Variants in CLOCK observed in about 807,000 individuals in gnomAD.
CLOCK encodes the protein circadian locomoter output cycles protein kaput.
In CLOCK, 43 loss-of-function variants were observed where a neutral mutation model predicts 118.4. The observed-to-expected ratio is 0.36, with a 90% CI of 0.28 to 0.47. CLOCK has a LOEUF of 0.47. Among genes scored for constraint, CLOCK ranks in the 20% least tolerant of loss-of-function variants. The pLI, the probability that CLOCK is intolerant of heterozygous loss-of-function variation, is 1.00. For synonymous variants in CLOCK, 326 were observed against 339.2 expected (o/e 0.96, Z 0.43); for missense variants, 846 against 999.9 (o/e 0.85, Z 2.08).
rs1353103080 is a variant in CLOCK, at chr4:55,478,817, T to C, written c.254A>G (p.Lys85Arg). ...ATTTTACAGAGTTAAAAATTTACCTTTATGTTTTCGTAAAAAATCAATGCT... is the reference window on the plus strand; with the variant it reads ...ATTTTACAGAGTTAAAAATTTACCTCTATGTTTTCGTAAAAAATCAATGCT... ...QKSIDFLRKH[K>R]EITAQSDASE... Residue 85 changes from lysine (K) to arginine (R), a missense_variant and splice_region_variant, in exon 6 of 23, where the codon AAA becomes AGA. Transcript: ENST00000513440. The C allele has an allele frequency of 1.1e-5, 17 of 1,612,264 alleles. No individual in the cohort carries two copies. The highest frequency in any genetic ancestry group is 1.4e-5 in the Non-Finnish European group (17 of 1,179,172).
At chr4:55,500,641 G>A (rs1728375391) in intron 2 of CLOCK, among the ~76,000 whole-genome samples, 1 of 151,932 alleles carries the variant, frequency 6.6e-6, no homozygotes, top group Non-Finnish European at 1.5e-5. Flanking sequence ...ATGAGCCATA[G>A]CATCGGCCTA....
intron 15 of CLOCK, 88 bp from the exon 16 acceptor site, chr4:55,450,320 C>A: frequency 6.6e-7 from 1 of 1,526,194 alleles, no homozygotes; most frequent in South Asian, 1.1e-5. Context: ...ACAAAAAAAT[C>A]AGTTTTTGTC....
At chr4:55,466,429 C>T (rs1005488163) in intron 8 of CLOCK, among the ~76,000 whole-genome samples, 2 of 152,026 alleles carry the variant, frequency 1.3e-5, no homozygotes, top group Non-Finnish European at 1.5e-5. Flanking sequence ...TGACAACAGA[C>T]TAATACATCA....
chr4:55,476,583 A>C (rs1726525689), intron 6 of CLOCK, among the ~76,000 whole-genome samples: 3 of 152,276 alleles, frequency 2.0e-5, no homozygotes, highest in South Asian at 4.1e-4. Context: ...AGACTAAATT[A>C]ATATTTTATG....
chr4:55,499,903 C>T (rs1319912886), intron 2 of CLOCK, among the ~76,000 whole-genome samples: 1 of 152,196 alleles, frequency 6.6e-6, no homozygotes, highest in Non-Finnish European at 1.5e-5. Context: ...GGTGTCTTCT[C>T]TTTGAGACTT....
At chr4:55,458,522 G>A (rs2109798823) in intron 11 of CLOCK, among the ~76,000 whole-genome samples, 1 of 152,128 alleles carries the variant, frequency 6.6e-6, no homozygotes, top group Non-Finnish European at 1.5e-5. Context: ...GTTATATGTG[G>A]CAAAGAGCCA....
At position 55,450,221 on chromosome 4, in the gene CLOCK, A is replaced by G. The variant is rs1724301343; in HGVS notation, c.1218T>C (p.Ser406=). 5 of 1,613,944 alleles carry G rather than the reference A, an allele frequency of 3.1e-6. No homozygotes were observed. The highest frequency in any genetic ancestry group is 1.7e-5 in the Admixed American group (1 of 60,002). The change falls in exon 16 of 23, where the codon TCT becomes TCC. Residue 406 remains serine, a synonymous_variant. Coordinates refer to ENST00000513440, the MANE Select transcript of CLOCK (RefSeq NM_004898.4). ...CTGTGTTTATACGATTATCTGACCC[A>G]GAATCTTGGCTCTATGGAGACAGAG... is the stretch of plus-strand genomic sequence containing the variant. ...PETAADKSQD[S]GSDNRINTVS...
rs187053840 is a variant in CLOCK, at chr4:55,495,524, G to T, written c.-135-6059C>A. Reference sequence around the variant, plus strand: ...TATTCTCTCCCTCCCTAAAACCTTAGCTTTGACTCTCATGCCACCAGACTA... The same window carrying T: ...TATTCTCTCCCTCCCTAAAACCTTATCTTTGACTCTCATGCCACCAGACTA... On this transcript the variant is annotated intron_variant, in intron 2 of 22. Transcript: ENST00000513440. 6.8e-3 allele frequency among the ~76,000 whole-genome samples: 1,032 copies of T among 151,864 alleles called. 6 individuals carry two copies. Among genetic ancestry groups the T allele is most frequent in the Non-Finnish European group, 0.012 (814 of 67,994 alleles).
intron 21 of CLOCK, among the ~76,000 whole-genome samples, chr4:55,439,089 T>TG (rs1398718464): frequency 1.3e-5 from 2 of 152,146 alleles, no homozygotes; most frequent in African/African-American, 4.8e-5. Context: ...ATCCCACAGA[T>TG]GGGAGAAAAT....
chr4:55,460,484 C>G (rs62303712), intron 9 of CLOCK, among the ~76,000 whole-genome samples: 3 of 152,052 alleles, frequency 2.0e-5, no homozygotes, highest in Admixed American at 2.0e-4. Context: ...AGTTAGAAAC[C>G]GTTAACAATT....
chr4:55,497,111 C>T (rs1728132595), intron 2 of CLOCK, among the ~76,000 whole-genome samples: 1 of 152,166 alleles, frequency 6.6e-6, no homozygotes, highest in Non-Finnish European at 1.5e-5. Context: ...ATATAGGTCT[C>T]ACTGGGCTAA....
chr4:55,537,695 G>A (rs574412950), intron 1 of CLOCK, among the ~76,000 whole-genome samples: 1 of 152,296 alleles, frequency 6.6e-6, no homozygotes, highest in African/African-American at 2.4e-5. Context: ...TCAGGAGGCT[G>A]AGGTGGGAGG....
chr4:55,453,633 T>C (rs775809339), intron 14 of CLOCK, 44 bp downstream of exon 14: 71 of 1,562,174 alleles, frequency 4.5e-5, no homozygotes, highest in Middle Eastern at 1.7e-4. Context: ...AAAATCATCA[T>C]AGGATGTTAC....
chr4:55,478,769 C>A (rs1293601397), intron 6 of CLOCK, 46 bp downstream of exon 6: 8 of 1,581,558 alleles, frequency 5.1e-6, no homozygotes, highest in Non-Finnish European at 6.9e-6. Context: ...AAGATTCTAA[C>A]TAATGCTTTG....
At chr4:55,435,944 A>C (rs1022259064) in intron 22 of CLOCK, among the ~76,000 whole-genome samples, 1 of 152,214 alleles carries the variant, frequency 6.6e-6, no homozygotes, top group African/African-American at 2.4e-5. Context: ...CTATATGAAA[A>C]ACAAATACTC....
At chr4:55,461,066 A>G (rs994645048) in intron 9 of CLOCK, among the ~76,000 whole-genome samples, 1 of 151,912 alleles carries the variant, frequency 6.6e-6, no homozygotes, top group Middle Eastern at 3.2e-3. Flanking sequence ...AACTACAGAC[A>G]TGTGCCACCA....
chr4:55,511,731 C>T (rs6554281), intron 1 of CLOCK, among the ~76,000 whole-genome samples: 145,984 of 152,240 alleles, frequency 0.96, 70,058 homozygotes, highest in East Asian at 1. Context: ...ATAGTTTCAT[C>T]GGCCTAAAAG....
At chr4:55,495,783 CA>C (rs1728029406) in intron 2 of CLOCK, among the ~76,000 whole-genome samples, 1 of 152,098 alleles carries the variant, frequency 6.6e-6, no homozygotes, top group Non-Finnish European at 1.5e-5. Flanking sequence ...TACTAATATC[CA>C]AAAGACCCTC....
rs1475088636 is a variant in CLOCK at position 55,432,671 on chromosome 4, G to C, written c.*2744C>G. 6.6e-6 allele frequency: 1 copy of C among 151,822 alleles called. No individual in the cohort carries two copies. The highest frequency in any genetic ancestry group is 2.4e-5 in the African/African-American group (1 of 41,350). 9.4% of individuals were successfully genotyped at this position (151,822 alleles called of 1,614,324 possible). On this transcript the variant is annotated 3_prime_UTR_variant, in exon 23 of 23. Coordinates refer to ENST00000513440, the MANE Select transcript of CLOCK (RefSeq NM_004898.4). ...TGCAACCCAAATTTAAGAGAATCAG[G>C]AGGAAAACAAAGCAGCAAAGAGGCA... is the stretch of plus-strand genomic sequence containing the variant.
Sources: gnomAD v4.1 joint callset for allele counts (sites outside exome capture counted in the v4.1 genomes callset) on GRCh38, gnomAD v4.1.1 for gene constraint, MANE v1.5 for transcripts, NCBI Gene and HGNC (gene_info 2026-07-23, HGNC 2026-07-21) for gene names.